Variants in ERICH6B observed in about 807,000 individuals in gnomAD.
ERICH6B encodes the protein glutamate-rich protein 6B.
ERICH6B carries 69 observed loss-of-function variants against 80.0 expected under a neutral mutation model. The observed-to-expected ratio is 0.86, with a 90% CI of 0.71 to 1.05. The LOEUF is 1.05. Ranked by LOEUF, ERICH6B falls within the 50% of genes least tolerant of loss-of-function variation. ERICH6B has a pLI of 0.00. For synonymous variants in ERICH6B, 283 were observed against 291.9 expected (o/e 0.97, Z 0.31); for missense variants, 754 against 796.1 (o/e 0.95, Z 0.64).
chr13:45,552,102 G>A (rs1457190008), intron 11 of ERICH6B, among the ~76,000 whole-genome samples: 1 of 152,112 alleles, frequency 6.6e-6, no homozygotes, highest in Non-Finnish European at 1.5e-5. Flanking sequence ...ATTTACAAGG[G>A]TGTTCTTAAA....
intron 7 of ERICH6B, among the ~76,000 whole-genome samples, chr13:45,578,594 A>G (rs1875522316): frequency 6.6e-6 from 1 of 152,224 alleles, no homozygotes; most frequent in South Asian, 2.1e-4. Context: ...GATGAAACTC[A>G]ATCCTGTTTT....
chr13:45,563,489 C>G (rs1874777188), intron 10 of ERICH6B, among the ~76,000 whole-genome samples: 2 of 152,142 alleles, frequency 1.3e-5, no homozygotes, highest in South Asian at 4.1e-4. Flanking sequence ...GTGACTCGCT[C>G]TGTGTTCAGA....
intron 11 of ERICH6B, among the ~76,000 whole-genome samples, chr13:45,559,366 AT>A (rs1444881462): frequency 6.6e-6 from 1 of 151,412 alleles, no homozygotes; most frequent in African/African-American, 2.4e-5. Context: ...TTTTTGTTTC[AT>A]TTTTCTTTCT....
chr13:45,556,964 T>G (rs1004883116), intron 11 of ERICH6B, among the ~76,000 whole-genome samples: 1 of 152,198 alleles, frequency 6.6e-6, no homozygotes, highest in Non-Finnish European at 1.5e-5. Context: ...AGTAGTGGGA[T>G]TGCTGGATCA....
At chr13:45,592,865 C>T (rs1256383188) in intron 3 of ERICH6B, among the ~76,000 whole-genome samples, 1 of 152,124 alleles carries the variant, frequency 6.6e-6, no homozygotes, top group Non-Finnish European at 1.5e-5. Flanking sequence ...AGTTTCAAAG[C>T]AGTTTCAGGT....
intron 13 of ERICH6B, 129 bp from the exon 14 acceptor site, chr13:45,545,114 A>G: frequency 3.9e-6 from 3 of 773,538 alleles, no homozygotes; most frequent in Non-Finnish European, 2.1e-6. Context: ...TGGGTAGGAG[A>G]AGCTCCAACA....
At chr13:45,546,508 G>C (rs773890268) in intron 13 of ERICH6B, among the ~76,000 whole-genome samples, 8 of 152,144 alleles carry the variant, frequency 5.3e-5, no homozygotes, top group Non-Finnish European at 1.0e-4. Context: ...AACAACCCTT[G>C]ATATTGTTGC....
chr13:45,612,335 A>C (rs900185945), intron 1 of ERICH6B, among the ~76,000 whole-genome samples: 3 of 152,236 alleles, frequency 2.0e-5, no homozygotes, highest in Non-Finnish European at 1.5e-5. Flanking sequence ...GCATACCTAT[A>C]GATAGTCTTC....
rs190773810 is a variant in ERICH6B, at chr13:45,581,369, A to T, written c.857-704T>A. ...CACTCAAAGACAGACACACACATAC[A>T]CATCCTACATTCCATTCTTGTTTTT... On this transcript the variant is annotated intron_variant, in intron 5 of 14. Coordinates refer to ENST00000298738, the MANE Select transcript of ERICH6B (RefSeq NM_182542.3). Among the ~76,000 whole-genome samples the T allele has an allele frequency of 4.6e-5, 7 of 152,238 alleles. No homozygotes were observed. In the East Asian group the frequency reaches 1.2e-3, roughly 25 times the overall value.
At chr13:45,590,778 G>T in intron 3 of ERICH6B, 81 bp from the exon 4 acceptor site, 1 of 1,158,452 alleles carries the variant, frequency 8.6e-7, no homozygotes, top group Non-Finnish European at 1.2e-6. Context: ...TTAAGTACGT[G>T]GAGAGGGCCC....
intron 2 of ERICH6B, among the ~76,000 whole-genome samples, 172 bp downstream of exon 2, chr13:45,607,392 G>C (rs1200669607): frequency 6.6e-6 from 1 of 152,226 alleles, no homozygotes; most frequent in Admixed American, 6.5e-5. Flanking sequence ...TGAAAATGCT[G>C]TTTCTGTAGG....
chr13:45,545,013 G>A, intron 13 of ERICH6B, 28 bp from the exon 14 acceptor site: 3 of 1,538,486 alleles, frequency 1.9e-6, no homozygotes, highest in Non-Finnish European at 2.6e-6. Context: ...ATGTCAGGCA[G>A]CCAGGGCGCT....
chr13:45,586,604 C>A (rs1033325129), intron 5 of ERICH6B, among the ~76,000 whole-genome samples: 3 of 152,042 alleles, frequency 2.0e-5, no homozygotes, highest in African/African-American at 7.3e-5. Context: ...TGGCTTTGAC[C>A]CCCACTGAGA....
intron 10 of ERICH6B, among the ~76,000 whole-genome samples, chr13:45,562,195 C>T (rs1316038607): frequency 6.6e-6 from 1 of 152,130 alleles, no homozygotes; most frequent in Non-Finnish European, 1.5e-5. Flanking sequence ...GGATTACAGG[C>T]GTGTGCCACC....
chr13:45,551,837 C>T (rs1264119326), intron 11 of ERICH6B, among the ~76,000 whole-genome samples: 2 of 152,094 alleles, frequency 1.3e-5, no homozygotes, highest in African/African-American at 2.4e-5. Context: ...GCTTTTCCAC[C>T]ATGGGATGAT....
In ERICH6B at chr13:45,580,602, C is replaced by T; in HGVS notation, c.919+1G>A. The T allele has an allele frequency of 6.4e-7, 1 of 1,551,612 alleles. No individual in the cohort carries two copies. Among genetic ancestry groups the T allele is most frequent in the Non-Finnish European group, 8.7e-7 (1 of 1,146,956 alleles). On this transcript the variant is annotated splice_donor_variant, in intron 6 of 14. Transcript: ENST00000298738. LOFTEE classifies it high-confidence loss of function. ...TCATTTAAAATCATCATAAACTTTACCTTCCGGAGCCAGCTTCGTGGTGGT... is the reference window on the plus strand; with the variant it reads ...TCATTTAAAATCATCATAAACTTTATCTTCCGGAGCCAGCTTCGTGGTGGT...
At position 45,597,193 on chromosome 13, in the gene ERICH6B, T is replaced by C. The variant is rs147375171; in HGVS notation, c.-58-130A>G. On this transcript the variant is annotated intron_variant, in intron 2 of 14. Transcript: ENST00000298738. ...CTCTTTAAGTATGCAGATCAGTACA[T>C]AGAGGCCAGTGAAAAAGGCACAAGA... 536 of 609,302 alleles carry C rather than the reference T, an allele frequency of 8.8e-4. 1 individual carries two copies. The East Asian group carries it at 0.015, about 17-fold the overall frequency. 37.7% of individuals were successfully genotyped at this position (609,302 alleles called of 1,614,324 possible).
intron 2 of ERICH6B, among the ~76,000 whole-genome samples, chr13:45,599,215 T>C (rs1389592273): frequency 6.6e-6 from 1 of 152,128 alleles, no homozygotes; most frequent in African/African-American, 2.4e-5. Context: ...GGTAGCCTGA[T>C]CACTTAAGAG....
intron 8 of ERICH6B, among the ~76,000 whole-genome samples, chr13:45,569,160 C>T (rs1334388419): frequency 2.6e-5 from 4 of 151,972 alleles, no homozygotes; most frequent in Non-Finnish European, 5.9e-5. Flanking sequence ...GAGTTTCACT[C>T]TGTTGCCCAG....
Sources: allele counts gnomAD v4.1 joint callset (sites outside exome capture counted in the v4.1 genomes callset), GRCh38; gene constraint gnomAD v4.1.1; transcripts MANE v1.5; gene names NCBI Gene and HGNC (gene_info 2026-07-23, HGNC 2026-07-21).